Variants in VSNL1 observed in about 807,000 individuals in gnomAD.
VSNL1 encodes the protein visinin like 1.
VSNL1 carries 6 observed loss-of-function variants against 20.4 expected under a neutral mutation model. That is an observed-to-expected ratio of 0.29 (90% CI 0.16 to 0.58). The LOEUF (loss-of-function observed/expected upper bound fraction) is 0.58. VSNL1 is among the 20% of genes least tolerant of loss of function. The pLI is 0.90. For missense variants in VSNL1, 100 were observed against 234.5 expected (o/e 0.43, Z 3.75); for synonymous variants, 93 against 86.4 (o/e 1.08, Z -0.42).
At chr2:17,610,111 C>T (rs114019504) in intron 2 of VSNL1, among the ~76,000 whole-genome samples, 1 of 152,312 alleles carries the variant, frequency 6.6e-6, no homozygotes, top group Non-Finnish European at 1.5e-5. Flanking sequence ...AAACACCTAG[C>T]GTGAGAGATG....
Position 17,655,340 on chromosome 2 carries a change from T to C in VSNL1, c.522T>C (p.Ala174=), listed in dbSNP as rs755291366. ...DQITLDEFKE[A]AKSDPSIVLL... is the part of the protein sequence containing the mutation. ...TTACACTGGATGAATTCAAAGAAGC[T>C]GCAAAGAGCGACCCTTCCATTGTAT... is the stretch of plus-strand genomic sequence containing the variant. The change falls in exon 4 of 4, where the codon GCT becomes GCC. Residue 174 remains alanine, a synonymous_variant. Transcript: ENST00000295156. The surrounding 1 kb of genome is among the most constrained non-coding windows in gnomAD (Gnocchi z 5.2). 4 of 1,614,076 alleles carry C rather than the reference T, an allele frequency of 2.5e-6. No individual in the cohort carries two copies. The South Asian group carries it at 4.4e-5, about 18-fold the overall frequency.
At chr2:17,575,562 G>A (rs1664189146) in intron 1 of VSNL1, among the ~76,000 whole-genome samples, 1 of 150,998 alleles carries the variant, frequency 6.6e-6, no homozygotes, top group Admixed American at 6.6e-5. Flanking sequence ...TTGAGATGGA[G>A]TCTCACACTG....
intron 2 of VSNL1, among the ~76,000 whole-genome samples, chr2:17,646,524 A>C (rs909671498): frequency 6.6e-6 from 1 of 152,236 alleles, no homozygotes; most frequent in Non-Finnish European, 1.5e-5. Flanking sequence ...CACAAAATGG[A>C]AAGTACAATG....
At chr2:17,543,550 C>T (rs564193244) in intron 1 of VSNL1, among the ~76,000 whole-genome samples, 2 of 152,178 alleles carry the variant, frequency 1.3e-5, no homozygotes, top group Non-Finnish European at 2.9e-5. Context: ...TGCCTGTCTC[C>T]AGCCTTCCTG....
chr2:17,618,585 T>C (rs1474044770), intron 2 of VSNL1, among the ~76,000 whole-genome samples: 1 of 152,226 alleles, frequency 6.6e-6, no homozygotes, highest in Non-Finnish European at 1.5e-5. Context: ...GGTTCGAATG[T>C]AGACATCTCT....
At chr2:17,569,141 T>C (rs1664023664) in intron 1 of VSNL1, among the ~76,000 whole-genome samples, 1 of 151,964 alleles carries the variant, frequency 6.6e-6, no homozygotes, top group African/African-American at 2.4e-5. Context: ...ACCCTGTCTC[T>C]ACTAAAAATA....
chr2:17,548,902 A>G, intron 1 of VSNL1, among the ~76,000 whole-genome samples: 1 of 152,176 alleles, frequency 6.6e-6, no homozygotes, highest in East Asian at 1.9e-4. Flanking sequence ...TGTTTAAGAC[A>G]TGTCTTCTGC....
At chr2:17,591,880 A>C (rs1380251309) in intron 1 of VSNL1, among the ~76,000 whole-genome samples, 190 bp from the exon 2 acceptor site, 2 of 152,032 alleles carry the variant, frequency 1.3e-5, no homozygotes, top group Non-Finnish European at 2.9e-5. Context: ...TGGAACTGTC[A>C]GAAGAGTCTA....
At chr2:17,574,143 C>T (rs942436552) in intron 1 of VSNL1, among the ~76,000 whole-genome samples, 2 of 152,178 alleles carry the variant, frequency 1.3e-5, no homozygotes, top group Non-Finnish European at 2.9e-5. Context: ...TTCTATTCTC[C>T]TGCAAGTCAT....
rs1327372502 is a variant in VSNL1, at chr2:17,540,910, GCTGTAA to G, written c.-7_-6+4del. ...TTTTCGTTAAGTGACCGTGCGCAGC[GCTGTAA>G]CTGTAAGTGGAAAATACAATCTTCG... On this transcript the variant is annotated splice_region_variant and 5_prime_UTR_variant, in exon 1 of 4. Coordinates refer to ENST00000295156, the MANE Select transcript of VSNL1 (RefSeq NM_003385.5). 9 of 152,410 alleles carry G rather than the reference GCTGTAA, an allele frequency of 5.9e-5. No individual in the cohort carries two copies. Among genetic ancestry groups the G allele is most frequent in the East Asian group, 1.9e-4 (1 of 5,176 alleles). The allele number at this position is 152,410 out of a possible 1,614,324, so 9.4% of individuals were successfully genotyped here. A position where few individuals can be genotyped will look rare whatever the true frequency, so the allele number is the denominator to read the frequency against.
At chr2:17,618,398 T>A (rs1665269872) in intron 2 of VSNL1, among the ~76,000 whole-genome samples, 1 of 152,224 alleles carries the variant, frequency 6.6e-6, no homozygotes, top group Non-Finnish European at 1.5e-5. Context: ...TCTTCAAATC[T>A]CTGCCTGCTT....
At chr2:17,584,243 C>T (rs776049860) in intron 1 of VSNL1, among the ~76,000 whole-genome samples, 1 of 141,242 alleles carries the variant, frequency 7.1e-6, no homozygotes, top group African/African-American at 2.4e-5. Context: ...GAAGGAAACC[C>T]ACAAAAAGGG....
chr2:17,627,179 A>C (rs1227556571), intron 2 of VSNL1, among the ~76,000 whole-genome samples: 2 of 152,204 alleles, frequency 1.3e-5, no homozygotes, highest in Non-Finnish European at 2.9e-5. Flanking sequence ...TAAGATAAGC[A>C]ACCCTCAAAC....
intron 1 of VSNL1, among the ~76,000 whole-genome samples, chr2:17,579,543 A>G (rs750565817): frequency 2.0e-5 from 3 of 152,206 alleles, no homozygotes; most frequent in Admixed American, 6.5e-5. Context: ...TTGTTCTTAC[A>G]ATGACCTGGC....
chr2:17,622,031 T>C (rs1665371645), intron 2 of VSNL1, among the ~76,000 whole-genome samples: 1 of 152,062 alleles, frequency 6.6e-6, no homozygotes, highest in African/African-American at 2.4e-5. Context: ...GGGCTGATAG[T>C]GAAGTTTGCC....
intron 1 of VSNL1, among the ~76,000 whole-genome samples, chr2:17,548,108 T>C (rs1663443134): frequency 1.3e-5 from 2 of 152,124 alleles, no homozygotes; most frequent in African/African-American, 4.8e-5. Flanking sequence ...GAGCTACTCT[T>C]TCATTCTTTT....
At chr2:17,594,063 T>A (rs1303957868) in intron 2 of VSNL1, among the ~76,000 whole-genome samples, 2 of 152,210 alleles carry the variant, frequency 1.3e-5, no homozygotes, top group Non-Finnish European at 2.9e-5. Flanking sequence ...AAGAAATAGT[T>A]GAAATGCAGG....
chr2:17,592,640 CTTTTTTTTTTTTTTTTTTTTTTT>C (rs55756596), intron 2 of VSNL1, among the ~76,000 whole-genome samples: 52 of 70,886 alleles, frequency 7.3e-4, no homozygotes, highest in Middle Eastern at 8.9e-3. Flanking sequence ...CTCTCTCTCT[CTTTTTTTTTTTTTTTTTTTTTTT>C]TTTTTTTTTT....
At chr2:17,624,278 C>T (rs1015201993) in intron 2 of VSNL1, among the ~76,000 whole-genome samples, 3 of 152,220 alleles carry the variant, frequency 2.0e-5, no homozygotes, top group South Asian at 2.1e-4. Flanking sequence ...CTGAGGCTCA[C>T]TCGCTGGGAA....
Sources: allele counts gnomAD v4.1 joint callset (sites outside exome capture counted in the v4.1 genomes callset), GRCh38; gene constraint gnomAD v4.1.1; non-coding constraint Gnocchi (gnomAD v3.1); transcripts MANE v1.5; gene names NCBI Gene and HGNC (gene_info 2026-07-23, HGNC 2026-07-21).